Variants in TMEM223 observed in about 807,000 individuals in gnomAD.
The protein encoded by TMEM223 is transmembrane protein 223.
Under a neutral mutation model 14.1 loss-of-function variants are expected in TMEM223, and 14 were observed. That is an observed-to-expected ratio of 0.99 (90% CI 0.66 to 1.55). TMEM223 has a LOEUF of 1.55. Among genes scored for constraint, TMEM223 ranks in the 40% most tolerant of loss-of-function variants. TMEM223 has a pLI of 0.00. For synonymous variants in TMEM223, 145 were observed against 120.5 expected, an observed-to-expected ratio of 1.20 and a Z score of -1.33; for missense variants, 346 against 269.9, an observed-to-expected ratio of 1.28 and a Z score of -1.97.
intron 1 of TMEM223, among the ~76,000 whole-genome samples, chr11:62,776,870 C>G (rs964894189): frequency 4.0e-5 from 6 of 149,632 alleles, no homozygotes; most frequent in Non-Finnish European, 8.9e-5. Context: ...AAAAAAAGGC[C>G]GGGCACAGGA....
intron 2 of TMEM223, among the ~76,000 whole-genome samples, chr11:62,772,730 G>T (rs568155091): frequency 7.1e-6 from 1 of 139,874 alleles, no homozygotes; most frequent in African/African-American, 2.7e-5. Flanking sequence ...CTCGGGAAGC[G>T]GAGGTTTTAG....
At chr11:62,787,034 A>T, downstream of TMEM223, 1 of 1,508,628 alleles carries the variant, frequency 6.6e-7, no homozygotes, top group African/African-American at 1.4e-5. Context: ...GCACCCCGGC[A>T]GCAGGGCCCC....
downstream of TMEM223, chr11:62,789,433 G>C: frequency 6.2e-7 from 1 of 1,613,692 alleles, no homozygotes; most frequent in Admixed American, 1.7e-5. Flanking sequence ...TTAGGTAATG[G>C]GAGAGGGAGG....
chr11:62,779,976 A>ATATT (rs1294367864), intron 1 of TMEM223, among the ~76,000 whole-genome samples: 2 of 52,628 alleles, frequency 3.8e-5, no homozygotes, highest in African/African-American at 7.7e-5. Flanking sequence ...ATATATATAT[A>ATATT]TTTTTTTTTT....
chr11:62,782,386 T>G, intron 1 of TMEM223: 2 of 1,576,912 alleles, frequency 1.3e-6, no homozygotes, highest in Non-Finnish European at 1.7e-6. Flanking sequence ...CCAAGTGGGT[T>G]GGGGTAAGGA....
intron 1 of TMEM223, chr11:62,782,207 A>G: frequency 1.2e-6 from 2 of 1,614,076 alleles, no homozygotes; most frequent in African/African-American, 1.3e-5. Flanking sequence ...TTGGGGCCCT[A>G]TGTCCGCTGT....
chr11:62,789,579 A>T, downstream of TMEM223: 1 of 1,548,712 alleles, frequency 6.5e-7, no homozygotes, highest in Non-Finnish European at 8.7e-7. Context: ...GCTTTCTCAC[A>T]ACTGTCTCTT....
rs529646755 is a variant in TMEM223, at chr11:62,791,768, G to C, written c.227C>G (p.Pro76Arg). 6 of 1,566,404 alleles carry C rather than the reference G, an allele frequency of 3.8e-6. No individual in the cohort carries two copies. The highest frequency in any genetic ancestry group is 2.4e-5 in the East Asian group (1 of 42,058). The change falls in exon 1 of 2, where the codon CCT becomes CGT. Residue 76 changes from proline (P) to arginine (R), a missense_variant. Physicochemically the swap from Pro to Arg is moderately radical, Grantham distance 103. Transcript: ENST00000307366. Reference protein sequence around the residue: ...AVSRPPVPVQPLDAEVPNRGP... With the variant: ...AVSRPPVPVQRLDAEVPNRGP... ...ACGATTTGGGACCTCCGCATCCAGAGGCTGCACCGGAACCGGGGGCCGGGA... is the reference window on the plus strand; with the variant it reads ...ACGATTTGGGACCTCCGCATCCAGACGCTGCACCGGAACCGGGGGCCGGGA...
chr11:62,787,275 C>G, downstream of TMEM223: 1 of 1,553,240 alleles, frequency 6.4e-7, no homozygotes, highest in Non-Finnish European at 8.6e-7. Context: ...TCTCGGACTA[C>G]TCGCTGTACT....
Position 62,790,766 on chromosome 11 carries a change from A to T in TMEM223, c.466T>A (p.Cys156Ser). 6.2e-7 allele frequency: 1 copy of T among 1,610,058 alleles called. No homozygotes were observed. The highest frequency in any genetic ancestry group is 8.5e-7 in the Non-Finnish European group (1 of 1,178,038). ...GGGACTTCACCCCGGTGGGCCATGC[A>T]AGATACCTGCTTCAAAGGAACTGTG... ...HFTVPLKQVS[C>S]MAHRGEVPAM... The change falls in exon 2 of 2, where the codon TGC (cysteine) becomes AGC (serine). Residue 156 changes from cysteine to serine, a missense_variant. Cys to Ser is a moderately radical substitution (Grantham distance 112, BLOSUM62 -1). Transcript: ENST00000307366.
chr11:62,772,265 T>C, intron 2 of TMEM223: 1 of 394,542 alleles, frequency 2.5e-6, no homozygotes, highest in South Asian at 1.9e-5. Flanking sequence ...CTCACGCCTG[T>C]AATCCTAGCA....
intron 1 of TMEM223, chr11:62,782,427 T>TAGGG (rs2084237333): frequency 7.4e-7 from 1 of 1,350,528 alleles, no homozygotes. Flanking sequence ...TTTGAGAGTC[T>TAGGG]ATGAGAAGAT....
chr11:62,791,748 T>C lies in TMEM223; in HGVS notation c.247A>G (p.Asn83Asp). 6.4e-7 allele frequency: 1 copy of C among 1,563,318 alleles called. No homozygotes were observed. Among genetic ancestry groups the C allele is most frequent in the Admixed American group, 1.9e-5 (1 of 52,156 alleles). Residue 83 changes from asparagine (N) to aspartate (D), a missense_variant, in exon 1 of 2, where the codon AAT becomes GAT. Asn to Asp is a conservative substitution (Grantham distance 23). Coordinates refer to ENST00000307366, the MANE Select transcript of TMEM223 (RefSeq NM_001080501.3). Reference sequence around the variant, plus strand: ...GAGCGCAGGTCGAAGGGGCCACGATTTGGGACCTCCGCATCCAGAGGCTGC... The same window carrying C: ...GAGCGCAGGTCGAAGGGGCCACGATCTGGGACCTCCGCATCCAGAGGCTGC... ...PVQPLDAEVPNRGPFDLRSAL... is the reference protein window; with the variant it reads ...PVQPLDAEVPDRGPFDLRSAL...
At chr11:62,779,036 T>G in intron 1 of TMEM223, 1 of 1,306,584 alleles carries the variant, frequency 7.7e-7, no homozygotes, top group African/African-American at 1.5e-5. Context: ...TTTTTTTTTT[T>G]TGAGACAGAG....
At chr11:62,778,379 CCCT>C in intron 1 of TMEM223, 1 of 1,611,030 alleles carries the variant, frequency 6.2e-7, no homozygotes, top group Middle Eastern at 1.7e-4. Flanking sequence ...TGAATTTTCT[CCCT>C]TAGGTTCTGA....
intron 1 of TMEM223, among the ~76,000 whole-genome samples, chr11:62,781,133 G>T (rs1305640117): frequency 6.6e-6 from 1 of 151,586 alleles, no homozygotes; most frequent in Admixed American, 6.6e-5. Flanking sequence ...CTACTTGGGA[G>T]GCTGAGGCAG....
At chr11:62,779,135 C>T (rs1218654944) in intron 1 of TMEM223, among the ~76,000 whole-genome samples, 1 of 152,002 alleles carries the variant, frequency 6.6e-6, no homozygotes, top group Non-Finnish European at 1.5e-5. Context: ...ATTCTCCTGC[C>T]TCAGCCTCCT....
In TMEM223 at chr11:62,778,206, A is replaced by C. The variant is rs536014420; in HGVS notation, c.315-3541T>G. Reference sequence around the variant, plus strand: ...AAGTGGTGATGGGCTGGCTGGTGGAAGAGGCAGAACTTGGAGGGGTAGGCG... The same window carrying C: ...AAGTGGTGATGGGCTGGCTGGTGGACGAGGCAGAACTTGGAGGGGTAGGCG... On this transcript the variant is annotated intron_variant, in intron 1 of 2. Transcript: ENST00000528367. 2.4e-4 allele frequency: 382 copies of C among 1,613,458 alleles called. 1 individual carries two copies. The highest frequency in any genetic ancestry group is 1.2e-3 in the Middle Eastern group (7 of 6,054).
Position 62,790,033 on chromosome 11 carries a change from C to G in TMEM223, c.*590G>C. 1 of 1,611,306 alleles carries G rather than the reference C, an allele frequency of 6.2e-7. No individual in the cohort carries two copies. The highest frequency in any genetic ancestry group is 8.5e-7 in the Non-Finnish European group (1 of 1,178,594). ...GACAGATGCTCTCGTTGGGTCACGC[C>G]TTTCCCATTCCTGAAGAATAAGCGG... On this transcript the variant is annotated 3_prime_UTR_variant, in exon 2 of 2. Coordinates refer to ENST00000307366, the MANE Select transcript of TMEM223 (RefSeq NM_001080501.3).
Sources: gnomAD v4.1 joint callset for allele counts (sites outside exome capture counted in the v4.1 genomes callset) on GRCh38, gnomAD v4.1.1 for gene constraint, MANE v1.5 for transcripts, NCBI Gene and HGNC (gene_info 2026-07-23, HGNC 2026-07-21) for gene names.